The following PTGR2 variants were observed in gnomAD, a reference collection of about 807,000 sequenced individuals.
The protein encoded by PTGR2 is prostaglandin reductase 2.
In PTGR2, 32 loss-of-function variants were observed where a neutral mutation model predicts 43.4. That is an observed-to-expected ratio of 0.74 (90% CI 0.56 to 0.99). The LOEUF is 0.99. PTGR2 is among the 50% of genes least tolerant of loss of function. The pLI, the probability that PTGR2 is intolerant of heterozygous loss-of-function variation, is 0.00. For synonymous variants in PTGR2, 106 were observed against 139.2 expected, an observed-to-expected ratio of 0.76 and a Z score of 1.68; for missense variants, 373 against 420.0, an observed-to-expected ratio of 0.89 and a Z score of 0.98.
At chr14:73,884,054 G>T in intron 9 of PTGR2, 47 bp from the exon 10 acceptor site, 1 of 1,138,570 alleles carries the variant, frequency 8.8e-7, no homozygotes, top group Non-Finnish European at 1.3e-6. Flanking sequence ...AAACAAGTAT[G>T]ATAGTGACAT....
chr14:73,863,822 G>A (rs2054545511), intron 3 of PTGR2, among the ~76,000 whole-genome samples: 2 of 152,010 alleles, frequency 1.3e-5, no homozygotes, highest in Non-Finnish European at 2.9e-5. Context: ...CACCATGTTG[G>A]CCAGGCTGGT....
chr14:73,885,009 G>C lies in PTGR2; in HGVS notation c.*832G>C, dbSNP rs2055092736. 1 of 152,216 alleles carries C rather than the reference G, an allele frequency of 6.6e-6. No individual in the cohort carries two copies. The highest frequency in any genetic ancestry group is 1.5e-5 in the Non-Finnish European group (1 of 68,054). The allele number at this position is 152,216 out of a possible 1,614,324, so 9.4% of individuals were successfully genotyped here. On this transcript the variant is annotated 3_prime_UTR_variant, in exon 10 of 10. Transcript: ENST00000555661. ...TTGTAGGTGATTAAAAAGATTGACA[G>C]CCGGGCCTGATGTCTCAAGCCTGTA...
chr14:73,884,520 A>T lies in PTGR2; in HGVS notation c.*343A>T. On this transcript the variant is annotated 3_prime_UTR_variant, in exon 10 of 10. Transcript: ENST00000555661. The stretch of plus-strand genomic sequence containing the variant: ...TTTAAAATTAATATTAATAACTTTT[A>T]TTAATTTAAAATAGAATGCTTAAAA... 1 of 154,734 alleles carries T rather than the reference A, an allele frequency of 6.5e-6. No individual in the cohort carries two copies. Among genetic ancestry groups the T allele is most frequent in the East Asian group, 1.9e-4 (1 of 5,368 alleles). 9.6% of individuals were successfully genotyped at this position (154,734 alleles called of 1,614,324 possible).
At chr14:73,872,834 G>T (rs777164864) in intron 3 of PTGR2, among the ~76,000 whole-genome samples, 1 of 151,920 alleles carries the variant, frequency 6.6e-6, no homozygotes, top group Non-Finnish European at 1.5e-5. Context: ...AAAATTAGCC[G>T]GGTGTGGTGG....
chr14:73,868,060 G>T (rs1312632339), intron 3 of PTGR2, among the ~76,000 whole-genome samples: 1 of 152,140 alleles, frequency 6.6e-6, no homozygotes, highest in South Asian at 2.1e-4. Flanking sequence ...GCCGAGGTGG[G>T]TGGATAACCT....
In PTGR2 at chr14:73,874,202, T is replaced by C. The variant is rs767210691; in HGVS notation, c.336T>C (p.Asn112=). The C allele has an allele frequency of 1.3e-5, 21 of 1,611,954 alleles. No individual in the cohort carries two copies. The South Asian group carries it at 2.2e-4, about 17-fold the overall frequency. Residue 112 remains asparagine (N), a synonymous_variant, in exon 4 of 10, where the codon AAT becomes AAC. Transcript: ENST00000555661. ...AAACCAAGGTTATTCTGGATGGAAA[T>C]AGCCTTGAAAAGGTGATATATATAT... is the stretch of plus-strand genomic sequence containing the variant. ...PWQTKVILDG[N]SLEKVDPQLV...
chr14:73,876,128 CT>C (rs2054858948), intron 4 of PTGR2, among the ~76,000 whole-genome samples: 1 of 151,974 alleles, frequency 6.6e-6, no homozygotes. Context: ...CTTAAAGTTT[CT>C]TTAATATAAA....
chr14:73,873,638 T>G (rs1417400526), intron 3 of PTGR2, among the ~76,000 whole-genome samples: 1 of 151,916 alleles, frequency 6.6e-6, no homozygotes, highest in East Asian at 2.0e-4. Context: ...CTAATTTTTG[T>G]ATTTTTGCAG....
At chr14:73,870,086 A>G (rs1566638561) in intron 3 of PTGR2, among the ~76,000 whole-genome samples, 1 of 151,886 alleles carries the variant, frequency 6.6e-6, no homozygotes, top group South Asian at 2.1e-4. Context: ...AATTCCAGCT[A>G]CTTGGGAGAC....
chr14:73,872,273 C>T (rs895495162), intron 3 of PTGR2, among the ~76,000 whole-genome samples: 2 of 152,126 alleles, frequency 1.3e-5, no homozygotes, highest in Non-Finnish European at 2.9e-5. Flanking sequence ...CGTACTTGGT[C>T]TGAAGTTGGG....
intron 4 of PTGR2, among the ~76,000 whole-genome samples, chr14:73,874,897 C>T (rs562548209): frequency 1.0e-3 from 159 of 152,314 alleles, no homozygotes; most frequent in African/African-American, 3.6e-3. Flanking sequence ...GAGACGGCGT[C>T]TCACTCTGTC....
intron 2 of PTGR2, 118 bp downstream of exon 2, chr14:73,859,017 G>A (rs2054427268): frequency 1.4e-6 from 1 of 690,198 alleles, no homozygotes; most frequent in Admixed American, 2.6e-5. Flanking sequence ...ATTGACACTA[G>A]TAAAGATATT....
At chr14:73,865,582 C>T (rs765871787) in intron 3 of PTGR2, among the ~76,000 whole-genome samples, 7 of 152,186 alleles carry the variant, frequency 4.6e-5, no homozygotes, top group Non-Finnish European at 8.8e-5. Context: ...TTATCCATCA[C>T]AGGGCCCAAC....
At chr14:73,860,102 C>T (rs1008784707) in intron 2 of PTGR2, among the ~76,000 whole-genome samples, 1 of 151,924 alleles carries the variant, frequency 6.6e-6, no homozygotes. Flanking sequence ...CTGTTTCAGC[C>T]TCCCAAAGTC....
chr14:73,868,299 A>AG (rs906203729), intron 3 of PTGR2, among the ~76,000 whole-genome samples: 25 of 152,066 alleles, frequency 1.6e-4, no homozygotes, highest in Admixed American at 6.5e-4. Flanking sequence ...AAAAAAAAAA[A>AG]GAAGCTACAT....
At chr14:73,867,809 T>C (rs1001774427) in intron 3 of PTGR2, among the ~76,000 whole-genome samples, 10 of 152,206 alleles carry the variant, frequency 6.6e-5, no homozygotes, top group Non-Finnish European at 1.5e-4. Flanking sequence ...GTTTCTTTCC[T>C]AATGGGGTAG....
chr14:73,879,233 A>G lies in PTGR2; in HGVS notation c.657A>G (p.Glu219=). The G allele has an allele frequency of 6.2e-7, 1 of 1,614,176 alleles. No homozygotes were observed. Among genetic ancestry groups the G allele is most frequent in the Non-Finnish European group, 8.5e-7 (1 of 1,180,034 alleles). Reference sequence around the variant, plus strand: ...ACAATGTGGCAGAACAGCTCCGTGAATCATGCCCAGCTGGAGTGGATGTTT... The same window carrying G: ...ACAATGTGGCAGAACAGCTCCGTGAGTCATGCCCAGCTGGAGTGGATGTTT... ...KKDNVAEQLR[E]SCPAGVDVYF... Residue 219 remains glutamate (E), a synonymous_variant, in exon 6 of 10, where the codon GAA becomes GAG. Coordinates refer to ENST00000555661, the MANE Select transcript of PTGR2 (RefSeq NM_001146154.2).
chr14:73,879,031 C>G, intron 5 of PTGR2, 65 bp from the exon 6 acceptor site: 1 of 1,319,900 alleles, frequency 7.6e-7, no homozygotes, highest in South Asian at 1.3e-5. Flanking sequence ...ATCTTGTATA[C>G]TGGTACATTT....
rs1477508068 is a variant in PTGR2 at position 73,872,033 on chromosome 14, T to C, written c.157-1990T>C. Reference sequence around the variant, plus strand: ...GGTACACCGAACCACATGGGACCCCTTAATCAGGTGTCCTTCCATGTTTTC... The same window carrying C: ...GGTACACCGAACCACATGGGACCCCCTAATCAGGTGTCCTTCCATGTTTTC... On this transcript the variant is annotated intron_variant, in intron 3 of 9. Coordinates refer to ENST00000555661, the MANE Select transcript of PTGR2 (RefSeq NM_001146154.2). 2.0e-5 allele frequency among the ~76,000 whole-genome samples: 3 copies of C among 152,196 alleles called. No homozygotes were observed. In the East Asian group the frequency reaches 5.8e-4, roughly 29 times the overall value.
Sources: gnomAD v4.1 joint callset for allele counts (sites outside exome capture counted in the v4.1 genomes callset) on GRCh38, gnomAD v4.1.1 for gene constraint, MANE v1.5 for transcripts, NCBI Gene and HGNC (gene_info 2026-07-23, HGNC 2026-07-21) for gene names.